The following GALNTL6 variants were observed in gnomAD, a reference collection of about 807,000 sequenced individuals.
GALNTL6 encodes polypeptide N-acetylgalactosaminyltransferase-like 6.
Under a neutral mutation model 73.7 loss-of-function variants are expected in GALNTL6, and 46 were observed. That is an observed-to-expected ratio of 0.62 (90% CI 0.49 to 0.80). GALNTL6 has a LOEUF of 0.80. GALNTL6 is among the 30% of genes least tolerant of loss of function. The pLI, the probability that GALNTL6 is intolerant of heterozygous loss-of-function variation, is 0.00. For synonymous variants in GALNTL6, 259 were observed against 263.7 expected, an observed-to-expected ratio of 0.98 and a Z score of 0.17; for missense variants, 604 against 755.0, an observed-to-expected ratio of 0.80 and a Z score of 2.34.
intron 2 of GALNTL6, among the ~76,000 whole-genome samples, chr4:171,852,521 T>A (rs1251046580): frequency 6.7e-6 from 1 of 150,336 alleles, no homozygotes; most frequent in Non-Finnish European, 1.5e-5. Context: ...GCTTTCTTTA[T>A]ATATATATAT....
At chr4:172,708,719 C>T (rs1734514049) in intron 5 of GALNTL6, among the ~76,000 whole-genome samples, 1 of 152,156 alleles carries the variant, frequency 6.6e-6, no homozygotes, top group Non-Finnish European at 1.5e-5. Context: ...ATACAGAACA[C>T]AATTTCTTCA....
chr4:172,633,501 C>G (rs1023137541), intron 5 of GALNTL6, among the ~76,000 whole-genome samples: 1 of 152,160 alleles, frequency 6.6e-6, no homozygotes, highest in Non-Finnish European at 1.5e-5. Context: ...TGCCTGTACC[C>G]CCATTGTATC....
intron 2 of GALNTL6, among the ~76,000 whole-genome samples, chr4:172,086,317 TGA>T (rs1289938896): frequency 6.6e-6 from 1 of 152,124 alleles, no homozygotes; most frequent in Non-Finnish European, 1.5e-5. Context: ...ACATCGTGTC[TGA>T]AGCATTAGTT....
chr4:172,900,779 T>C (rs979313941), intron 8 of GALNTL6, among the ~76,000 whole-genome samples: 4 of 152,326 alleles, frequency 2.6e-5, no homozygotes, highest in Middle Eastern at 3.4e-3. Flanking sequence ...TAAAGTATTA[T>C]TCAGAAAATT....
intron 5 of GALNTL6, among the ~76,000 whole-genome samples, chr4:172,740,940 G>C (rs1579421453): frequency 1.3e-5 from 2 of 152,150 alleles, no homozygotes; most frequent in East Asian, 3.8e-4. Flanking sequence ...CATGAAATAA[G>C]ATTATGTGTT....
At chr4:172,290,604 G>A (rs1739431091) in intron 3 of GALNTL6, among the ~76,000 whole-genome samples, 1 of 151,862 alleles carries the variant, frequency 6.6e-6, no homozygotes, top group African/African-American at 2.4e-5. Flanking sequence ...TTGCAATGAA[G>A]TAATTACTAT....
intron 3 of GALNTL6, among the ~76,000 whole-genome samples, chr4:172,246,295 C>T (rs1737654773): frequency 6.6e-6 from 1 of 152,048 alleles, no homozygotes; most frequent in South Asian, 2.1e-4. Context: ...ATTTAATAGA[C>T]ATTTACCTAG....
At chr4:172,993,992 C>T (rs945833554) in intron 10 of GALNTL6, among the ~76,000 whole-genome samples, 1 of 152,170 alleles carries the variant, frequency 6.6e-6, no homozygotes, top group Non-Finnish European at 1.5e-5. Context: ...GACCAAACCC[C>T]AACCCGTTCA....
intron 5 of GALNTL6, among the ~76,000 whole-genome samples, chr4:172,352,877 T>G (rs1206401267): frequency 6.6e-6 from 1 of 151,984 alleles, no homozygotes; most frequent in Admixed American, 6.6e-5. Context: ...AGATCTGTTA[T>G]TCTCCATGTA....
intron 7 of GALNTL6, among the ~76,000 whole-genome samples, chr4:172,877,497 A>G (rs1259849862): frequency 6.6e-6 from 1 of 152,016 alleles, no homozygotes; most frequent in Non-Finnish European, 1.5e-5. Flanking sequence ...AACATAAAGA[A>G]TGTTTTCCTG....
chr4:172,454,756 C>T (rs1331104597), intron 5 of GALNTL6, among the ~76,000 whole-genome samples: 5 of 152,232 alleles, frequency 3.3e-5, no homozygotes, highest in African/African-American at 9.6e-5. Context: ...GTTAGTTCCT[C>T]AGACTAGTTC....
intron 7 of GALNTL6, among the ~76,000 whole-genome samples, chr4:172,835,239 G>A (rs1050732719): frequency 3.3e-5 from 5 of 152,226 alleles, no homozygotes; most frequent in Non-Finnish European, 7.3e-5. Flanking sequence ...AGAGGGAGGA[G>A]CATGTTCACA....
intron 2 of GALNTL6, among the ~76,000 whole-genome samples, chr4:171,951,277 G>A (rs1243861854): frequency 6.6e-6 from 1 of 151,882 alleles, no homozygotes; most frequent in African/African-American, 2.4e-5. Flanking sequence ...TTACTAGAGA[G>A]GATAAAATTG....
At chr4:172,738,065 G>A (rs1736575661) in intron 5 of GALNTL6, among the ~76,000 whole-genome samples, 1 of 152,212 alleles carries the variant, frequency 6.6e-6, no homozygotes, top group Non-Finnish European at 1.5e-5. Flanking sequence ...GTTTCTGCCT[G>A]TCCTCAGAGA....
intron 5 of GALNTL6, among the ~76,000 whole-genome samples, chr4:172,646,424 G>T (rs1287346733): frequency 1.3e-5 from 2 of 151,938 alleles, no homozygotes; most frequent in Non-Finnish European, 2.9e-5. Context: ...CACAACTGTT[G>T]TAGATTTATT....
chr4:172,846,869 G>A (rs534925471), intron 7 of GALNTL6, among the ~76,000 whole-genome samples: 2 of 152,188 alleles, frequency 1.3e-5, no homozygotes, highest in South Asian at 2.1e-4. Flanking sequence ...GTCTTACATT[G>A]TTTATAACAT....
At position 173,040,352 on chromosome 4, in the gene GALNTL6, T is replaced by C; in HGVS notation, c.*252T>C. ...TTGCTGGCCAAGGGCAAAGATAATT[T>C]AGGGACTTTTCAAAACAACTGCTGA... On this transcript the variant is annotated 3_prime_UTR_variant, in exon 13 of 13. Transcript: ENST00000506823. 1 of 454,560 alleles carries C rather than the reference T, an allele frequency of 2.2e-6. No homozygotes were observed. The highest frequency in any genetic ancestry group is 3.1e-5 in the South Asian group (1 of 31,748). 28.2% of individuals were successfully genotyped at this position (454,560 alleles called of 1,614,324 possible). A position where few individuals can be genotyped will look rare whatever the true frequency, so the allele number is the denominator to read the frequency against.
intron 5 of GALNTL6, among the ~76,000 whole-genome samples, chr4:172,466,420 A>G (rs578074234): frequency 6.6e-6 from 1 of 152,286 alleles, no homozygotes; most frequent in African/African-American, 2.4e-5. Flanking sequence ...AAATTTTTTT[A>G]TTTATTTTTC....
At chr4:172,358,442 C>G (rs1384807616) in intron 5 of GALNTL6, among the ~76,000 whole-genome samples, 1 of 152,252 alleles carries the variant, frequency 6.6e-6, no homozygotes, top group African/African-American at 2.4e-5. Context: ...GCGTGCGGCC[C>G]AGGCTGGCTT....
Sources: gnomAD v4.1 joint callset for allele counts (sites outside exome capture counted in the v4.1 genomes callset) on GRCh38, gnomAD v4.1.1 for gene constraint, MANE v1.5 for transcripts, NCBI Gene and HGNC (gene_info 2026-07-23, HGNC 2026-07-21) for gene names.